Variants in PID1 observed in about 807,000 individuals in gnomAD.
PID1 encodes PTB-containing, cubilin and LRP1-interacting protein.
In PID1, 10 loss-of-function variants were observed where a neutral mutation model predicts 19.1. The observed-to-expected ratio is 0.52, with a 90% CI of 0.32 to 0.89. The LOEUF is 0.89. PID1 is among the 40% of genes least tolerant of loss of function. The probability of loss-of-function intolerance (pLI) is 0.03; values close to 1 mark genes in which losing one functional copy is unlikely to be tolerated. For missense variants in PID1, 248 were observed against 285.3 expected, an observed-to-expected ratio of 0.87 and a Z score of 0.94; for synonymous variants, 130 against 116.0, an observed-to-expected ratio of 1.12 and a Z score of -0.78.
At chr2:229,265,965 G>T (rs779227699) in intron 1 of PID1, among the ~76,000 whole-genome samples, 1 of 152,180 alleles carries the variant, frequency 6.6e-6, no homozygotes, top group Non-Finnish European at 1.5e-5. Flanking sequence ...CACAGAGTTT[G>T]TTCCCAGGCT....
intron 2 of PID1, among the ~76,000 whole-genome samples, chr2:229,034,051 C>A (rs917058352): frequency 6.6e-6 from 1 of 152,198 alleles, no homozygotes; most frequent in Non-Finnish European, 1.5e-5. Context: ...AATTTCCCAA[C>A]AATCTAAACC....
intron 2 of PID1, among the ~76,000 whole-genome samples, chr2:229,131,540 T>C (rs1689740722): frequency 1.3e-5 from 2 of 152,148 alleles, no homozygotes; most frequent in Admixed American, 6.5e-5. Context: ...CACATTTTTC[T>C]ATGAGAACAA....
intron 2 of PID1, among the ~76,000 whole-genome samples, chr2:229,054,123 G>C (rs1208799332): frequency 1.3e-5 from 2 of 152,120 alleles, no homozygotes; most frequent in Admixed American, 1.3e-4. Context: ...CAATCAAATT[G>C]AAATCAGCAA....
At chr2:229,168,599 C>T (rs1690649799) in intron 1 of PID1, among the ~76,000 whole-genome samples, 1 of 152,054 alleles carries the variant, frequency 6.6e-6, no homozygotes, top group Non-Finnish European at 1.5e-5. Flanking sequence ...GCATGCTTTC[C>T]ACCTTTTCCA....
intron 1 of PID1, among the ~76,000 whole-genome samples, chr2:229,166,395 T>C (rs10183571): frequency 0.45 from 68,507 of 151,976 alleles, 16,963 homozygotes; most frequent in Admixed American, 0.61. Context: ...ACCTACCAAC[T>C]TGTGCACTTT....
intron 2 of PID1, among the ~76,000 whole-genome samples, chr2:229,071,731 TA>T (rs1212292641): frequency 6.6e-6 from 1 of 152,192 alleles, no homozygotes; most frequent in Non-Finnish European, 1.5e-5. Flanking sequence ...AAGCCCACAG[TA>T]AAAGATAAGC....
intron 2 of PID1, among the ~76,000 whole-genome samples, chr2:229,093,832 A>C (rs2106221662): frequency 6.6e-6 from 1 of 152,352 alleles, no homozygotes; most frequent in South Asian, 2.1e-4. Context: ...CATATATGAC[A>C]AACCCACAGC....
At chr2:229,119,304 A>G (rs1036848332) in intron 2 of PID1, among the ~76,000 whole-genome samples, 30 of 152,232 alleles carry the variant, frequency 2.0e-4, no homozygotes, top group African/African-American at 7.2e-4. Context: ...ATTTGTCTAA[A>G]ATTATATACT....
chr2:229,215,713 A>G (rs1312206170), intron 1 of PID1, among the ~76,000 whole-genome samples: 1 of 152,252 alleles, frequency 6.6e-6, no homozygotes, highest in Non-Finnish European at 1.5e-5. Flanking sequence ...ATGTTTTATC[A>G]TAAGTTCAAA....
chr2:229,040,912 G>A (rs998527563), intron 2 of PID1, among the ~76,000 whole-genome samples: 1 of 152,220 alleles, frequency 6.6e-6, no homozygotes, highest in African/African-American at 2.4e-5. Context: ...CATTGTTAAA[G>A]AGAGTTACAA....
intron 1 of PID1, among the ~76,000 whole-genome samples, chr2:229,179,900 G>A (rs1174328987): frequency 3.3e-5 from 5 of 152,148 alleles, no homozygotes; most frequent in African/African-American, 4.8e-5. Context: ...CTCAGAAACA[G>A]GCCCATCTGC....
At chr2:229,070,017 G>T (rs1385964028) in intron 2 of PID1, among the ~76,000 whole-genome samples, 2 of 152,168 alleles carry the variant, frequency 1.3e-5, no homozygotes, top group African/African-American at 4.8e-5. Context: ...TTTATTGGTC[G>T]CCTGCTAGGA....
intron 2 of PID1, among the ~76,000 whole-genome samples, chr2:229,106,003 C>T (rs777465707): frequency 9.7e-5 from 14 of 144,126 alleles, no homozygotes; most frequent in South Asian, 2.2e-4. Context: ...AGAGTGAACC[C>T]GGGAGGTGGA....
chr2:229,056,194 A>G (rs1574591364), intron 2 of PID1, among the ~76,000 whole-genome samples: 1 of 152,222 alleles, frequency 6.6e-6, no homozygotes. Flanking sequence ...AAGAATATTA[A>G]CAAGAGTATA....
intron 2 of PID1, among the ~76,000 whole-genome samples, chr2:229,053,388 A>G (rs1446032129): frequency 2.6e-5 from 4 of 152,240 alleles, no homozygotes; most frequent in African/African-American, 9.6e-5. Flanking sequence ...GCAAACATTT[A>G]CTGAGCACTT....
At chr2:229,233,051 T>C (rs1692248912) in intron 1 of PID1, among the ~76,000 whole-genome samples, 1 of 151,986 alleles carries the variant, frequency 6.6e-6, no homozygotes, top group African/African-American at 2.4e-5. Context: ...AACTGTTCAA[T>C]GGGAAGTGCC....
At chr2:229,143,597 C>T (rs1690063964) in intron 2 of PID1, among the ~76,000 whole-genome samples, 1 of 152,096 alleles carries the variant, frequency 6.6e-6, no homozygotes, top group Non-Finnish European at 1.5e-5. Flanking sequence ...ATCTTTAAAG[C>T]TTGCAAAGTG....
At chr2:229,186,112 A>C (rs1691124612) in intron 1 of PID1, among the ~76,000 whole-genome samples, 1 of 152,208 alleles carries the variant, frequency 6.6e-6, no homozygotes, top group African/African-American at 2.4e-5. Context: ...GGGTAGTCAA[A>C]TCTTAAAGCT....
chr2:229,157,620 ATGTAGGAATT>A (rs992788288), intron 1 of PID1, among the ~76,000 whole-genome samples: 25 of 152,300 alleles, frequency 1.6e-4, no homozygotes, highest in Admixed American at 1.6e-3. Context: ...AACTCTTAAC[ATGTAGGAATT>A]TAGCAAGAGT....
Sources: gnomAD v4.1 joint callset for allele counts (sites outside exome capture counted in the v4.1 genomes callset) on GRCh38, gnomAD v4.1.1 for gene constraint, MANE v1.5 for transcripts, NCBI Gene and HGNC (gene_info 2026-07-23, HGNC 2026-07-21) for gene names.